MYADM: variants seen among roughly 807,000 people sequenced by gnomAD.
The protein encoded by MYADM is myeloid associated differentiation marker.
For synonymous variants in MYADM, 224 were observed against 210.2 expected (o/e 1.07, Z -0.57); for missense variants, 416 against 443.4 (o/e 0.94, Z 0.56).
Position 53,874,226 on chromosome 19 carries a change from C to CGGT in MYADM, c.697_698insGGT (p.Pro233delinsArgSer). 5 of 1,611,956 alleles carry CGGT rather than the reference C, an allele frequency of 3.1e-6. No homozygotes were observed. Among genetic ancestry groups the CGGT allele is most frequent in the Non-Finnish European group, 4.2e-6 (5 of 1,178,468 alleles). On this transcript the variant is annotated protein_altering_variant, in exon 3 of 3. Coordinates refer to ENST00000391770, the MANE Select transcript of MYADM (RefSeq NM_138373.5). ...CCTGGGGGAGTGCACCAACGTGCTA[C>CGGT]CCATCCCCTTCCCCAGCTTCCTGTC...
chr19:53,867,048 C>T (rs959823483), upstream of MYADM, among the ~76,000 whole-genome samples: 2 of 152,164 alleles, frequency 1.3e-5, no homozygotes, highest in Non-Finnish European at 1.5e-5. Context: ...ACTGCTACCG[C>T]GCTAGCTCCC....
rs375735273 is a variant in MYADM, at chr19:53,873,167, C to G, written c.-2-361C>G. On this transcript the variant is annotated intron_variant, in intron 2 of 2. Transcript: ENST00000391770. The surrounding 1 kb of genome is among the most constrained non-coding windows in gnomAD (Gnocchi z 4.3). ...CCAGCGGATCATGAGGTCAGGAGAT[C>G]GAGACCATCCTGGCTAACACAGTGA... Among the ~76,000 whole-genome samples, 2 of 152,072 alleles carry G rather than the reference C, an allele frequency of 1.3e-5. No individual in the cohort carries two copies. Among genetic ancestry groups the G allele is most frequent in the Non-Finnish European group, 2.9e-5 (2 of 68,022 alleles).
Position 53,873,991 on chromosome 19 carries a change from A to G in MYADM, c.462A>G (p.Glu154=). The change falls in exon 3 of 3, where the codon GAA becomes GAG. Residue 154 remains glutamate (E), a synonymous_variant. Coordinates refer to ENST00000391770, the MANE Select transcript of MYADM (RefSeq NM_138373.5). This position sits in a 1 kb window ranked among gnomAD's most constrained non-coding sequence, Gnocchi z 4.3. The stretch of plus-strand genomic sequence containing the variant: ...TCGCGTGTGTGGCTTACGCCACCGA[A>G]GTGGCCTGGACCCGGGCCCGGCCCG... ...SCIACVAYAT[E]VAWTRARPGE... 1 of 1,608,960 alleles carries G rather than the reference A, an allele frequency of 6.2e-7. No homozygotes were observed.
upstream of MYADM, among the ~76,000 whole-genome samples, chr19:53,867,714 T>TAC (rs939123190): frequency 6.6e-6 from 1 of 152,144 alleles, no homozygotes. Context: ...ACGCTACTTT[T>TAC]ACTCTGGGGG....
At position 53,873,860 on chromosome 19, in the gene MYADM, C is replaced by G; in HGVS notation, c.331C>G (p.Leu111Val). 1 of 1,613,470 alleles carries G rather than the reference C, an allele frequency of 6.2e-7. No individual in the cohort carries two copies. The highest frequency in any genetic ancestry group is 8.5e-7 in the Non-Finnish European group (1 of 1,180,048). Reference sequence around the variant, plus strand: ...CATCACCTTCGCCTGCTATGCGGCCCTCTTCTGCCTCTCGGCCTCCATCAT... The same window carrying G: ...CATCACCTTCGCCTGCTATGCGGCCGTCTTCTGCCTCTCGGCCTCCATCAT... The part of the protein sequence containing the change: ...FPITFACYAA[L>V]FCLSASIIYP... The change falls in exon 3 of 3, where the codon CTC (leucine) becomes GTC (valine). Residue 111 changes from leucine (L) to valine (V), a missense_variant. By Grantham distance (32) the Leu-to-Val change is conservative (BLOSUM62 1). Transcript: ENST00000391770. The surrounding 1 kb of genome is among the most constrained non-coding windows in gnomAD (Gnocchi z 4.3).
At chr19:53,869,563 C>G (rs2068318983) in intron 1 of MYADM, 191 bp from the exon 2 acceptor site, 1 of 152,564 alleles carries the variant, frequency 6.6e-6, no homozygotes, top group South Asian at 2.0e-4. Context: ...GCGGGGCGTG[C>G]ACTTTCGCTG....
At position 53,873,507 on chromosome 19, in the gene MYADM, C is replaced by T. The variant is rs201919958; in HGVS notation, c.-2-21C>T. The T allele has an allele frequency of 7.5e-5, 119 of 1,578,600 alleles. No homozygotes were observed. Among genetic ancestry groups the T allele is most frequent in the Non-Finnish European group, 9.6e-5 (112 of 1,161,378 alleles). On this transcript the variant is annotated intron_variant, in intron 2 of 2. Coordinates refer to ENST00000391770, the MANE Select transcript of MYADM (RefSeq NM_138373.5). This position sits in a 1 kb window ranked among gnomAD's most constrained non-coding sequence, Gnocchi z 4.3. ...TTATGTTTGTGACTGTATAAGGACA[C>T]TGTCTTTCCCCTTTTTGCAGCCATG... is the stretch of plus-strand genomic sequence containing the variant.
In MYADM at chr19:53,875,403, C is replaced by T. The variant is rs527342689; in HGVS notation, c.*905C>T. Reference sequence around the variant, plus strand: ...GCACCGACCCTGGGTCCCTAGGCCCCGCCTGGCACTCAGCCTTGCCAGAGA... The same window carrying T: ...GCACCGACCCTGGGTCCCTAGGCCCTGCCTGGCACTCAGCCTTGCCAGAGA... On this transcript the variant is annotated 3_prime_UTR_variant, in exon 3 of 3. Transcript: ENST00000391770. 8 of 166,948 alleles carry T rather than the reference C, an allele frequency of 4.8e-5. No individual in the cohort carries two copies. Among genetic ancestry groups the T allele is most frequent in the East Asian group, 1.9e-4 (1 of 5,180 alleles). The allele number at this position is 166,948 out of a possible 1,614,324, so 10.3% of individuals were successfully genotyped here. A position where few individuals can be genotyped will look rare whatever the true frequency, so the allele number is the denominator to read the frequency against.
rs377597340 is a variant in MYADM at position 53,875,365 on chromosome 19, C to A, written c.*867C>A. 1 of 166,498 alleles carries A rather than the reference C, an allele frequency of 6.0e-6. No homozygotes were observed. Among genetic ancestry groups the A allele is most frequent in the African/African-American group, 2.4e-5 (1 of 41,234 alleles). The allele number at this position is 166,498 out of a possible 1,614,324, so 10.3% of individuals were successfully genotyped here. A position where few individuals can be genotyped will look rare whatever the true frequency, so the allele number is the denominator to read the frequency against. On this transcript the variant is annotated 3_prime_UTR_variant, in exon 3 of 3. Coordinates refer to ENST00000391770, the MANE Select transcript of MYADM (RefSeq NM_138373.5). ...TTGGAGGTCAGTAATTTCCAATGGGCGGGAGGCTTTAAGCACCGACCCTGG... is the reference window on the plus strand; with the variant it reads ...TTGGAGGTCAGTAATTTCCAATGGGAGGGAGGCTTTAAGCACCGACCCTGG...
upstream of MYADM, among the ~76,000 whole-genome samples, chr19:53,867,235 C>A (rs1003238635): frequency 1.3e-5 from 2 of 152,202 alleles, no homozygotes; most frequent in African/African-American, 4.8e-5. Context: ...GGAGACCCAT[C>A]AGTCAGGGAT....
chr19:53,876,000 G>T lies in MYADM; in HGVS notation c.*1502G>T, dbSNP rs1167727703. 6.0e-6 allele frequency: 1 copy of T among 166,990 alleles called. No homozygotes were observed. The highest frequency in any genetic ancestry group is 1.5e-5 in the Non-Finnish European group (1 of 68,134). The allele number at this position is 166,990 out of a possible 1,614,324, so 10.3% of individuals were successfully genotyped here. A position where few individuals can be genotyped will look rare whatever the true frequency, so the allele number is the denominator to read the frequency against. Reference sequence around the variant, plus strand: ...AAAATAGCCACTGCCCGCTTTCAAGGCAAGATCGACCTTTTCTGTTTTGTT... The same window carrying T: ...AAAATAGCCACTGCCCGCTTTCAAGTCAAGATCGACCTTTTCTGTTTTGTT... On this transcript the variant is annotated 3_prime_UTR_variant, in exon 3 of 3. Transcript: ENST00000391770.
rs379364 is a variant in MYADM at position 53,874,846 on chromosome 19, A to G, written c.*348A>G. The G allele has an allele frequency of 0.29, 47,392 of 161,658 alleles. 8,464 individuals are homozygous for G. The highest frequency in any genetic ancestry group is 0.52 in the East Asian group (2,689 of 5,206). The allele number at this position is 161,658 out of a possible 1,614,324, so 10.0% of individuals were successfully genotyped here. ...GCTGGAGTGCAGTGGTGCGATCTCGACTCACTGCAACCCCCGCCTCCTGGG... is the reference window on the plus strand; with the variant it reads ...GCTGGAGTGCAGTGGTGCGATCTCGGCTCACTGCAACCCCCGCCTCCTGGG... On this transcript the variant is annotated 3_prime_UTR_variant, in exon 3 of 3. Transcript: ENST00000391770.
rs1351229209 is a variant in MYADM, at chr19:53,874,292, C to T, written c.763C>T (p.Leu255Phe). The T allele has an allele frequency of 1.2e-6, 2 of 1,610,418 alleles. No homozygotes were observed. The highest frequency in any genetic ancestry group is 3.3e-5 in the Admixed American group (2 of 59,864). Residue 255 changes from leucine (L) to phenylalanine (F), a missense_variant, in exon 3 of 3, where the codon CTT becomes TTT. Coordinates refer to ENST00000391770, the MANE Select transcript of MYADM (RefSeq NM_138373.5). The stretch of plus-strand genomic sequence containing the variant: ...GTCTGTCCTCCTCTATGCCACCGCC[C>T]TTGTTCTCTGGCCCCTCTACCAGTT... ...LLSVLLYATA[L>F]VLWPLYQFDE...
chr19:53,875,747 G>C lies in MYADM; in HGVS notation c.*1249G>C, dbSNP rs941238540. On this transcript the variant is annotated 3_prime_UTR_variant, in exon 3 of 3. Coordinates refer to ENST00000391770, the MANE Select transcript of MYADM (RefSeq NM_138373.5). ...GCCTGTAATCCCAGGTATTTGGGGGGACTGAGACAGGAGAATCCCTTCAAC... is the reference window on the plus strand; with the variant it reads ...GCCTGTAATCCCAGGTATTTGGGGGCACTGAGACAGGAGAATCCCTTCAAC... 1 of 154,276 alleles carries C rather than the reference G, an allele frequency of 6.5e-6. No individual in the cohort carries two copies. Among genetic ancestry groups the C allele is most frequent in the Non-Finnish European group, 1.5e-5 (1 of 68,036 alleles). The allele number at this position is 154,276 out of a possible 1,614,324, so 9.6% of individuals were successfully genotyped here. A position where few individuals can be genotyped will look rare whatever the true frequency, so the allele number is the denominator to read the frequency against.
At chr19:53,871,782 T>C (rs778263097) in intron 2 of MYADM, among the ~76,000 whole-genome samples, 22 of 152,080 alleles carry the variant, frequency 1.4e-4, no homozygotes, top group Non-Finnish European at 3.2e-4. Flanking sequence ...GAAAAGGAAG[T>C]TGAGAGATGG....
In MYADM at chr19:53,873,998, T is replaced by C; in HGVS notation, c.469T>C (p.Trp157Arg). 1.2e-6 allele frequency: 2 copies of C among 1,608,912 alleles called. No individual in the cohort carries two copies. The highest frequency in any genetic ancestry group is 1.7e-6 in the Non-Finnish European group (2 of 1,180,004). ...TGTGGCTTACGCCACCGAAGTGGCC[T>C]GGACCCGGGCCCGGCCCGGCGAGAT... Reference protein sequence around the residue: ...ACVAYATEVAWTRARPGEITG... With the variant: ...ACVAYATEVARTRARPGEITG... The change falls in exon 3 of 3, where the codon TGG (tryptophan) becomes CGG (arginine). Residue 157 changes from tryptophan to arginine, a missense_variant. Coordinates refer to ENST00000391770, the MANE Select transcript of MYADM (RefSeq NM_138373.5). The surrounding 1 kb of genome is among the most constrained non-coding windows in gnomAD (Gnocchi z 4.3).
upstream of MYADM, among the ~76,000 whole-genome samples, chr19:53,867,525 C>A (rs13343601): frequency 1.3e-5 from 2 of 152,064 alleles, no homozygotes; most frequent in East Asian, 1.9e-4. Context: ...CCTAAACATG[C>A]GGGGTTTCTA....
At position 53,875,654 on chromosome 19, in the gene MYADM, G is replaced by C. The variant is rs187474838; in HGVS notation, c.*1156G>C. 6.3e-6 allele frequency: 1 copy of C among 158,148 alleles called. No individual in the cohort carries two copies. The highest frequency in any genetic ancestry group is 6.6e-5 in the Admixed American group (1 of 15,242). The allele number at this position is 158,148 out of a possible 1,614,324, so 9.8% of individuals were successfully genotyped here. A position where few individuals can be genotyped will look rare whatever the true frequency, so the allele number is the denominator to read the frequency against. On this transcript the variant is annotated 3_prime_UTR_variant, in exon 3 of 3. Transcript: ENST00000391770. ...ATCTGAAGTCAGGAGTTCAAGACCAGCCTGGCCAACATGGTGAAAGCATGT... is the reference window on the plus strand; with the variant it reads ...ATCTGAAGTCAGGAGTTCAAGACCACCCTGGCCAACATGGTGAAAGCATGT...
At chr19:53,870,886 C>G (rs1488412108) in intron 2 of MYADM, among the ~76,000 whole-genome samples, 1 of 152,154 alleles carries the variant, frequency 6.6e-6, no homozygotes. Flanking sequence ...TCTGGGGCAT[C>G]TGGGATCCTT....
Sources: gnomAD v4.1 joint callset for allele counts (sites outside exome capture counted in the v4.1 genomes callset) on GRCh38, gnomAD v4.1.1 for gene constraint, Gnocchi (gnomAD v3.1) non-coding constraint, MANE v1.5 for transcripts, NCBI Gene and HGNC (gene_info 2026-07-23, HGNC 2026-07-21) for gene names.